Variants in MIPOL1 observed in about 807,000 individuals in gnomAD.
The protein encoded by MIPOL1 is mirror-image polydactyly gene 1 protein.
A neutral mutation model predicts 60.9 loss-of-function variants in MIPOL1; 57 were observed. The ratio of observed to expected loss-of-function variants is 0.94; its 90% CI spans 0.76 to 1.17. The LOEUF (loss-of-function observed/expected upper bound fraction) is 1.17. Ranked by LOEUF, MIPOL1 falls within the 50% of genes most tolerant of loss-of-function variation. The pLI, the probability that MIPOL1 is intolerant of heterozygous loss-of-function variation, is 0.00. For missense variants in MIPOL1, 551 were observed against 511.6 expected (o/e 1.08, Z -0.74); for synonymous variants, 179 against 168.8 (o/e 1.06, Z -0.47).
intron 1 of MIPOL1, among the ~76,000 whole-genome samples, chr14:37,220,956 G>GT (rs1025305792): frequency 6.6e-6 from 1 of 151,924 alleles, no homozygotes; most frequent in East Asian, 1.9e-4. Context: ...TTTTAAAAAA[G>GT]TTTTTTCATA....
intron 12 of MIPOL1, among the ~76,000 whole-genome samples, chr14:37,539,215 TAAAA>T (rs1253170799): frequency 6.6e-6 from 1 of 150,560 alleles, no homozygotes. Context: ...AAAAATAAAA[TAAAA>T]AAAGAACTGC....
At chr14:37,406,715 A>T (rs1392125059) in intron 10 of MIPOL1, among the ~76,000 whole-genome samples, 1 of 152,162 alleles carries the variant, frequency 6.6e-6, no homozygotes, top group Non-Finnish European at 1.5e-5. Context: ...CCTCAAGAAC[A>T]GTTGGCTTGG....
intron 9 of MIPOL1, among the ~76,000 whole-genome samples, chr14:37,327,751 C>T (rs2089302825): frequency 6.6e-6 from 1 of 151,966 alleles, no homozygotes; most frequent in South Asian, 2.1e-4. Flanking sequence ...CTAGCACAGA[C>T]AAAAAATAAT....
At chr14:37,542,946 A>G (rs1480302544) in intron 12 of MIPOL1, among the ~76,000 whole-genome samples, 4 of 152,122 alleles carry the variant, frequency 2.6e-5, no homozygotes, top group African/African-American at 9.7e-5. Flanking sequence ...CCCCACTTTT[A>G]CGTCCTACTG....
chr14:37,248,975 A>AGGATGGATGGAT (rs3061903), intron 3 of MIPOL1, among the ~76,000 whole-genome samples: 20 of 149,410 alleles, frequency 1.3e-4, no homozygotes, highest in African/African-American at 4.7e-4. Context: ...AACAAATGGA[A>AGGATGGATGGAT]GGATGGATGG....
chr14:37,404,804 A>G (rs997140790), intron 10 of MIPOL1, among the ~76,000 whole-genome samples: 10 of 152,164 alleles, frequency 6.6e-5, no homozygotes, highest in Admixed American at 2.0e-4. Context: ...GGGAGCATCA[A>G]TTGTTCTTCT....
Position 37,461,970 on chromosome 14 carries a change from G to A in MIPOL1, c.1032-37938G>A, listed in dbSNP as rs1229191087. On this transcript the variant is annotated intron_variant, in intron 11 of 12. Coordinates refer to ENST00000684589, the MANE Select transcript of MIPOL1 (RefSeq NM_001388067.1). ...AGATCTACCATTCTGGGGTCTGGAAGACAGTGGCCCTCTTCTCACAGCTCC... is the reference window on the plus strand; with the variant it reads ...AGATCTACCATTCTGGGGTCTGGAAAACAGTGGCCCTCTTCTCACAGCTCC... Among the ~76,000 whole-genome samples the A allele has an allele frequency of 3.9e-5, 6 of 152,294 alleles. No homozygotes were observed. In the South Asian group the frequency reaches 1.2e-3, roughly 32 times the overall value.
rs1029304398 is a variant in MIPOL1, at chr14:37,426,904, A to G, written c.1031+3955A>G. On this transcript the variant is annotated intron_variant, in intron 11 of 12. Coordinates refer to ENST00000684589, the MANE Select transcript of MIPOL1 (RefSeq NM_001388067.1). ...AAATTTAAGGGAAGTTGCATCTTCC[A>G]GGGAGATTCCATGTTTCTCCTAAAA... is the stretch of plus-strand genomic sequence containing the variant. 1.6e-4 allele frequency among the ~76,000 whole-genome samples: 25 copies of G among 152,178 alleles called. No individual in the cohort carries two copies. The Middle Eastern group carries it at 0.014, about 83-fold the overall frequency.
intron 10 of MIPOL1, chr14:37,385,635 T>A (rs2153514739): frequency 6.6e-6 from 1 of 152,236 alleles, no homozygotes; most frequent in African/African-American, 2.4e-5. Flanking sequence ...TTATACATTT[T>A]ATCCCTATAC....
chr14:37,200,850 A>ATGTGTG (rs56965903), intron 1 of MIPOL1, among the ~76,000 whole-genome samples: 2,941 of 86,924 alleles, frequency 0.034, 122 homozygotes, highest in Middle Eastern at 0.062. Context: ...ATATCTATCT[A>ATGTGTG]TGTGTGTGTG....
At chr14:37,361,069 A>G (rs915491207) in intron 9 of MIPOL1, among the ~76,000 whole-genome samples, 2 of 152,006 alleles carry the variant, frequency 1.3e-5, no homozygotes, top group African/African-American at 4.8e-5. Context: ...CCTTCATTTC[A>G]TTATTTACCT....
At chr14:37,379,689 T>C (rs189770637) in intron 10 of MIPOL1, among the ~76,000 whole-genome samples, 2 of 152,212 alleles carry the variant, frequency 1.3e-5, no homozygotes, top group Admixed American at 1.3e-4. Context: ...GGTAGCTTTG[T>C]CATTGCAATT....
chr14:37,407,773 C>A (rs1347737599), intron 10 of MIPOL1, among the ~76,000 whole-genome samples: 3 of 147,692 alleles, frequency 2.0e-5, no homozygotes, highest in East Asian at 4.1e-4. Flanking sequence ...ATCATTTAAT[C>A]AAAATTCTTA....
chr14:37,368,816 G>A (rs1480384292), intron 9 of MIPOL1, among the ~76,000 whole-genome samples: 3 of 151,872 alleles, frequency 2.0e-5, no homozygotes, highest in African/African-American at 7.2e-5. Context: ...GAACATAGAT[G>A]CTTCTATTGG....
At chr14:37,423,392 CTT>C (rs2093909692) in intron 11 of MIPOL1, 2 of 151,022 alleles carry the variant, frequency 1.3e-5, no homozygotes, top group South Asian at 4.2e-4. Context: ...ATATGACAGA[CTT>C]ATTAATTTAT....
chr14:37,343,404 A>G lies in MIPOL1; in HGVS notation c.829-26113A>G, dbSNP rs138975618. 5.8e-3 allele frequency among the ~76,000 whole-genome samples: 890 copies of G among 152,332 alleles called. 12 individuals are homozygous for G. Among genetic ancestry groups the G allele is most frequent in the African/African-American group, 0.02 (822 of 41,572 alleles). On this transcript the variant is annotated intron_variant, in intron 9 of 12. Coordinates refer to ENST00000684589, the MANE Select transcript of MIPOL1 (RefSeq NM_001388067.1). ...AACTCTTCTAAATGAAAAGGAATAA[A>G]AACTTCTATAGTCGTAAGTACTTTC...
chr14:37,496,751 C>T (rs1170192989), intron 11 of MIPOL1, among the ~76,000 whole-genome samples: 1 of 152,018 alleles, frequency 6.6e-6, no homozygotes, highest in Non-Finnish European at 1.5e-5. Context: ...GATTCAATGC[C>T]ATCCCCATCA....
In MIPOL1 at chr14:37,350,515, T is replaced by C. The variant is rs142869744; in HGVS notation, c.829-19002T>C. 5.1e-3 allele frequency among the ~76,000 whole-genome samples: 776 copies of C among 152,298 alleles called. 5 individuals are homozygous for C. The highest frequency in any genetic ancestry group is 0.018 in the African/African-American group (728 of 41,566). On this transcript the variant is annotated intron_variant, in intron 9 of 12. Transcript: ENST00000684589. ...TATTTGTAAGGTACATGAAGTGTTTTGATATAGGCATGCAATAATCTTGGG... is the reference window on the plus strand; with the variant it reads ...TATTTGTAAGGTACATGAAGTGTTTCGATATAGGCATGCAATAATCTTGGG...
chr14:37,232,584 A>G lies in MIPOL1; in HGVS notation c.-198-14519A>G, dbSNP rs890920278. Reference sequence around the variant, plus strand: ...ATTCTTTTTCCTCTTCTGTCAACACATACTTGTACCTTTTAATATCCTCTT... The same window carrying G: ...ATTCTTTTTCCTCTTCTGTCAACACGTACTTGTACCTTTTAATATCCTCTT... On this transcript the variant is annotated intron_variant, in intron 1 of 12. Coordinates refer to ENST00000684589, the MANE Select transcript of MIPOL1 (RefSeq NM_001388067.1). Among the ~76,000 whole-genome samples, 12 of 152,086 alleles carry G rather than the reference A, an allele frequency of 7.9e-5. No homozygotes were observed. The East Asian group carries it at 2.3e-3, about 29-fold the overall frequency.
Sources: gnomAD v4.1 joint callset for allele counts (sites outside exome capture counted in the v4.1 genomes callset) on GRCh38, gnomAD v4.1.1 for gene constraint, MANE v1.5 for transcripts, NCBI Gene and HGNC (gene_info 2026-07-23, HGNC 2026-07-21) for gene names.